Variants in PDLIM2 observed in about 807,000 individuals in gnomAD.
The protein encoded by PDLIM2 is PDZ and LIM domain protein 2.
Under a neutral mutation model 54.1 loss-of-function variants are expected in PDLIM2, and 51 were observed. The ratio of observed to expected loss-of-function variants is 0.94; its 90% CI spans 0.75 to 1.19. The LOEUF is 1.19. Ranked by LOEUF, PDLIM2 falls within the 50% of genes most tolerant of loss-of-function variation. The pLI is 0.00. For synonymous variants in PDLIM2, 398 were observed against 385.6 expected (o/e 1.03, Z -0.38); for missense variants, 912 against 874.0 (o/e 1.04, Z -0.55).
intron 6 of PDLIM2, among the ~76,000 whole-genome samples, chr8:22,586,622 T>C (rs1800390180): frequency 6.6e-6 from 1 of 152,074 alleles, no homozygotes; most frequent in Admixed American, 6.6e-5. Context: ...GGAACCTTTG[T>C]TCTGAGATGA....
chr8:22,594,259 C>G, exon 10 of PDLIM2: 1 of 1,392,010 alleles, frequency 7.2e-7, no homozygotes, highest in Non-Finnish European at 9.3e-7. Context: ...AAGTTTTTGA[C>G]ATACTAGCTC....
At position 22,593,716 on chromosome 8, in the gene PDLIM2, C is replaced by T. The variant is rs1456192163; in HGVS notation, c.1632-17C>T. On this transcript the variant is annotated splice_polypyrimidine_tract_variant and intron_variant, in intron 9 of 9. Coordinates refer to ENST00000308354, the Ensembl canonical transcript of PDLIM2. ...TGGTGCTGTGGCTCTGAGCTAAAGCCTCTCCCTCCCCTTCAGGAACCAGGC... is the reference window on the plus strand; with the variant it reads ...TGGTGCTGTGGCTCTGAGCTAAAGCTTCTCCCTCCCCTTCAGGAACCAGGC... 4.5e-6 allele frequency: 7 copies of T among 1,561,292 alleles called. No homozygotes were observed. Among genetic ancestry groups the T allele is most frequent in the Non-Finnish European group, 5.2e-6 (6 of 1,153,156 alleles).
chr8:22,580,728 G>C (rs759702337), intron 2 of PDLIM2, 31 bp downstream of exon 1: 1 of 1,608,782 alleles, frequency 6.2e-7, no homozygotes, highest in Non-Finnish European at 8.5e-7. Context: ...AGATGAGAAG[G>C]TCCTGCCAGA....
At chr8:22,580,897 A>G in intron 2 of PDLIM2, 200 bp downstream of exon 1, 1 of 724,634 alleles carries the variant, frequency 1.4e-6, no homozygotes, top group South Asian at 1.5e-5. Context: ...CTTGGGAGTG[A>G]AAGGGAGCTG....
chr8:22,582,047 A>T (rs1006556255), intron 3 of PDLIM2, among the ~76,000 whole-genome samples: 2 of 152,064 alleles, frequency 1.3e-5, no homozygotes, highest in African/African-American at 4.8e-5. Flanking sequence ...GGTTACTCCT[A>T]GGGTTTTGAG....
intron 3 of PDLIM2, among the ~76,000 whole-genome samples, chr8:22,584,171 T>A (rs903168090): frequency 1.1e-5 from 1 of 94,278 alleles, no homozygotes. Context: ...CTTGGCTAAA[T>A]TTTTTTTTTT....
At chr8:22,580,886 C>A (rs1269263212) in intron 2 of PDLIM2, 189 bp downstream of exon 1, 6 of 742,600 alleles carry the variant, frequency 8.1e-6, no homozygotes, top group Non-Finnish European at 1.2e-5. Context: ...CAGGAACAGA[C>A]CTTGGGAGTG....
chr8:22,585,014 C>T lies in PDLIM2; in HGVS notation c.1066-3C>T, dbSNP rs1800331925. 1 of 1,613,750 alleles carries T rather than the reference C, an allele frequency of 6.2e-7. No homozygotes were observed. Among genetic ancestry groups the T allele is most frequent in the Admixed American group, 1.7e-5 (1 of 60,016 alleles). On this transcript the variant is annotated splice_polypyrimidine_tract_variant and splice_region_variant and intron_variant, in intron 4 of 9. Coordinates refer to ENST00000308354, the Ensembl canonical transcript of PDLIM2. ...TTTCCTGACACAGTCACTCTCTCCA[C>T]AGGGCTCCGTGAGGACATACACTGA...
intron 6 of PDLIM2, 68 bp downstream of exon 5, chr8:22,585,467 GC>G: frequency 6.8e-7 from 1 of 1,477,286 alleles, no homozygotes. Flanking sequence ...GGTTGCCAGT[GC>G]CCCGGGACTG....
intron 1 of PDLIM2, chr8:22,580,517 C>G: frequency 1.2e-6 from 2 of 1,604,766 alleles, no homozygotes; most frequent in East Asian, 4.5e-5. Flanking sequence ...CTCTCCTTCT[C>G]CCTTTGGCTC....
exon 3 of PDLIM2, chr8:22,581,440 T>C: frequency 1.2e-6 from 2 of 1,608,658 alleles, no homozygotes; most frequent in Non-Finnish European, 1.7e-6. Context: ...ATCGTGGCCA[T>C]CAACGGGGAA....
In PDLIM2 at chr8:22,593,718, C is replaced by T. The variant is rs1055695508; in HGVS notation, c.1632-15C>T. 6.4e-7 allele frequency: 1 copy of T among 1,563,740 alleles called. No individual in the cohort carries two copies. The highest frequency in any genetic ancestry group is 8.7e-7 in the Non-Finnish European group (1 of 1,154,420). On this transcript the variant is annotated splice_polypyrimidine_tract_variant and intron_variant, in intron 9 of 9. Transcript: ENST00000308354. ...GTGCTGTGGCTCTGAGCTAAAGCCT[C>T]TCCCTCCCCTTCAGGAACCAGGCTG...
At chr8:22,584,842 G>A in exon 4 of PDLIM2, 2 of 1,614,174 alleles carry the variant, frequency 1.2e-6, no homozygotes, top group Non-Finnish European at 1.7e-6. Flanking sequence ...CGTCTCCAGG[G>A]CAGACCAATG....
intron 3 of PDLIM2, among the ~76,000 whole-genome samples, chr8:22,583,979 T>G (rs1442285444): frequency 5.3e-5 from 8 of 151,906 alleles, no homozygotes; most frequent in African/African-American, 1.9e-4. Flanking sequence ...AAACTATCCT[T>G]TCTTTTTTTG....
chr8:22,585,090 C>A (rs781441864), exon 5 of PDLIM2: 1 of 1,613,836 alleles, frequency 6.2e-7, no homozygotes, highest in Non-Finnish European at 8.5e-7. Flanking sequence ...TCCCTCAGCC[C>A]GAGGGCCGGC....
chr8:22,586,377 C>T (rs1281302753), intron 6 of PDLIM2, among the ~76,000 whole-genome samples: 2 of 152,296 alleles, frequency 1.3e-5, no homozygotes, highest in East Asian at 1.9e-4. Context: ...ATAAGGCAAA[C>T]TTGCAAAACA....
Position 22,591,688 on chromosome 8 carries a change from G to A in PDLIM2, c.1631+20G>A, listed in dbSNP as rs1193845656. 6.3e-7 allele frequency: 1 copy of A among 1,592,138 alleles called. No homozygotes were observed. The highest frequency in any genetic ancestry group is 8.6e-7 in the Non-Finnish European group (1 of 1,166,766). On this transcript the variant is annotated intron_variant, in intron 9 of 9. Coordinates refer to ENST00000308354, the Ensembl canonical transcript of PDLIM2. The stretch of plus-strand genomic sequence containing the variant: ...CATCGCGTGAGTGTGGAGGGGGGTG[G>A]GGGACCTGAGCCTTCACAGGGGAGT...
intron 3 of PDLIM2, among the ~76,000 whole-genome samples, chr8:22,583,158 C>A (rs1408424877): frequency 6.6e-6 from 1 of 152,112 alleles, no homozygotes. Context: ...CTTCAGTTAC[C>A]TCCCATTCAG....
chr8:22,581,065 C>A (rs952888550), intron 2 of PDLIM2: 6 of 667,532 alleles, frequency 9.0e-6, no homozygotes, highest in Non-Finnish European at 1.4e-5. Flanking sequence ...GCTGTGCAGG[C>A]AGCCACCTGC....
Sources: allele counts gnomAD v4.1 joint callset (sites outside exome capture counted in the v4.1 genomes callset), GRCh38; gene constraint gnomAD v4.1.1; transcripts MANE v1.5; gene names NCBI Gene and HGNC (gene_info 2026-07-23, HGNC 2026-07-21).